The following LEMD3 variants were observed in gnomAD, a reference collection of about 807,000 sequenced individuals.
The protein encoded by LEMD3 is LEM domain containing 3.
Under a neutral mutation model 95.2 loss-of-function variants are expected in LEMD3, and 33 were observed. The observed-to-expected ratio is 0.35, with a 90% CI of 0.26 to 0.46. The LOEUF is 0.46. LEMD3 is among the 20% of genes least tolerant of loss of function. The probability of loss-of-function intolerance (pLI) is 1.00; values close to 1 mark genes in which losing one functional copy is unlikely to be tolerated. For synonymous variants in LEMD3, 525 were observed against 474.6 expected, an observed-to-expected ratio of 1.11 and a Z score of -1.38; for missense variants, 1,210 against 1,192.8, an observed-to-expected ratio of 1.01 and a Z score of -0.21.
At chr12:65,203,726 G>A (rs1869675451) in intron 1 of LEMD3, among the ~76,000 whole-genome samples, 1 of 152,146 alleles carries the variant, frequency 6.6e-6, no homozygotes, top group South Asian at 2.1e-4. Context: ...TTCTGGTACA[G>A]CAGTGTTGAA....
chr12:65,184,270 G>T (rs1448211672), intron 1 of LEMD3, among the ~76,000 whole-genome samples: 1 of 151,420 alleles, frequency 6.6e-6, no homozygotes, highest in Non-Finnish European at 1.5e-5. Flanking sequence ...GGAAAAACAG[G>T]CAGTCCCTAA....
In LEMD3 at chr12:65,238,600, A is replaced by G; in HGVS notation, c.1775+19A>G. The G allele has an allele frequency of 6.2e-7, 1 of 1,611,862 alleles. No homozygotes were observed. On this transcript the variant is annotated intron_variant, in intron 5 of 12. Coordinates refer to ENST00000308330, the MANE Select transcript of LEMD3 (RefSeq NM_014319.5). ...GAATAAGGTAAAGGATCTGATTTCC[A>G]CTTTGACCATTCTGTACTGGGAGAA... is the stretch of plus-strand genomic sequence containing the variant.
chr12:65,206,041 C>G (rs1565788196), intron 1 of LEMD3, among the ~76,000 whole-genome samples: 2 of 152,138 alleles, frequency 1.3e-5, no homozygotes, highest in African/African-American at 2.4e-5. Context: ...CTTGTTCACC[C>G]TGTCCATTTT....
At chr12:65,171,957 A>T (rs1376280262) in intron 1 of LEMD3, 1 of 152,272 alleles carries the variant, frequency 6.6e-6, no homozygotes, top group East Asian at 1.9e-4. Flanking sequence ...TTACCAGACT[A>T]CACTGACGTA....
chr12:65,173,414 T>G (rs1371399962), intron 1 of LEMD3, among the ~76,000 whole-genome samples: 1 of 152,212 alleles, frequency 6.6e-6, no homozygotes, highest in Non-Finnish European at 1.5e-5. Flanking sequence ...TATTTACATT[T>G]TAGTAAATGG....
At chr12:65,172,386 TAG>T (rs1415259018) in intron 1 of LEMD3, among the ~76,000 whole-genome samples, 1 of 152,198 alleles carries the variant, frequency 6.6e-6, no homozygotes, top group Non-Finnish European at 1.5e-5. Context: ...TATTTCAAAA[TAG>T]AGTGAAAGAT....
chr12:65,178,891 A>G (rs1164724157), intron 1 of LEMD3, among the ~76,000 whole-genome samples: 4 of 152,204 alleles, frequency 2.6e-5, no homozygotes, highest in Non-Finnish European at 4.4e-5. Flanking sequence ...ACAAGTATAG[A>G]TTCATAAAAT....
intron 4 of LEMD3, among the ~76,000 whole-genome samples, chr12:65,237,362 T>A (rs1870803803): frequency 6.6e-6 from 1 of 152,180 alleles, no homozygotes; most frequent in South Asian, 2.1e-4. Flanking sequence ...CTCACATTGA[T>A]ATGTAGTCAA....
At chr12:65,220,552 C>T (rs1274084156) in intron 4 of LEMD3, among the ~76,000 whole-genome samples, 1 of 151,908 alleles carries the variant, frequency 6.6e-6, no homozygotes, top group African/African-American at 2.4e-5. Flanking sequence ...TTTTTTACTG[C>T]ACATATGCTT....
chr12:65,242,085 G>T (rs1414886425), intron 9 of LEMD3, among the ~76,000 whole-genome samples: 6 of 152,128 alleles, frequency 3.9e-5, no homozygotes, highest in African/African-American at 1.4e-4. Context: ...TCCTCTAAAT[G>T]ATGCATGCAT....
intron 4 of LEMD3, among the ~76,000 whole-genome samples, chr12:65,230,375 G>T (rs1189927060): frequency 6.6e-6 from 1 of 152,090 alleles, no homozygotes; most frequent in African/African-American, 2.4e-5. Flanking sequence ...TCTATACATA[G>T]ATTATTTTTG....
chr12:65,170,828 C>G lies in LEMD3; in HGVS notation c.1232C>G (p.Pro411Arg). ...CCCAGGATTTATTCTAACAGTCTCC[C>G]TCCCAGTGCGGCGGTGGCCGCCTCT... ...DSPRIYSNSL[P>R]PSAAVAASSS... Residue 411 changes from proline to arginine, a missense_variant, in exon 1 of 13, where the codon CCT (proline) becomes CGT (arginine). Around this residue, in one of 2 missense-constraint regions of LEMD3, gnomAD observed 749 missense variants for 622.9 expected, o/e 1.20. Coordinates refer to ENST00000308330, the MANE Select transcript of LEMD3 (RefSeq NM_014319.5). 6.2e-7 allele frequency: 1 copy of G among 1,614,218 alleles called. No individual in the cohort carries two copies. The highest frequency in any genetic ancestry group is 1.1e-5 in the South Asian group (1 of 91,084).
intron 1 of LEMD3, among the ~76,000 whole-genome samples, chr12:65,175,960 C>T (rs1868706203): frequency 6.6e-6 from 1 of 152,170 alleles, no homozygotes. Flanking sequence ...CTTTCCCTCA[C>T]CTTCCTACAA....
At chr12:65,215,893 C>A in intron 2 of LEMD3, 84 bp from the exon 3 acceptor site, 1 of 493,096 alleles carries the variant, frequency 2.0e-6, no homozygotes, top group Non-Finnish European at 3.5e-6. Flanking sequence ...TTTAAATTTA[C>A]TGTTTTTTTT....
At position 65,200,211 on chromosome 12, in the gene LEMD3, A is replaced by G. The variant is rs77618204; in HGVS notation, c.1523-10715A>G. Among the ~76,000 whole-genome samples, 5 of 152,232 alleles carry G rather than the reference A, an allele frequency of 3.3e-5. No homozygotes were observed. The East Asian group carries it at 5.8e-4, about 18-fold the overall frequency. ...TCTGATTGGTCACTTTCCACCATCA[A>G]TCAGACTGGTTGTGACCCACTACTT... On this transcript the variant is annotated intron_variant, in intron 1 of 12. Transcript: ENST00000308330.
At chr12:65,173,358 G>C (rs1354518786) in intron 1 of LEMD3, among the ~76,000 whole-genome samples, 2 of 152,176 alleles carry the variant, frequency 1.3e-5, no homozygotes, top group African/African-American at 4.8e-5. Flanking sequence ...GGAATGCTAG[G>C]ATTTTGGTAC....
chr12:65,183,252 A>G (rs142936624), intron 1 of LEMD3, among the ~76,000 whole-genome samples: 1 of 152,234 alleles, frequency 6.6e-6, no homozygotes, highest in Non-Finnish European at 1.5e-5. Context: ...TTTTGATGAG[A>G]TAGATATTTT....
At chr12:65,213,706 A>G (rs907244128) in intron 2 of LEMD3, among the ~76,000 whole-genome samples, 7 of 152,208 alleles carry the variant, frequency 4.6e-5, no homozygotes, top group African/African-American at 1.7e-4. Context: ...CTGTGAATCA[A>G]AAGCTAAAGT....
chr12:65,213,187 G>C (rs1869996509), intron 2 of LEMD3, among the ~76,000 whole-genome samples: 1 of 152,030 alleles, frequency 6.6e-6, no homozygotes, highest in Non-Finnish European at 1.5e-5. Flanking sequence ...AGCAGTTGAG[G>C]CCCTTCTAGT....
Sources: allele counts gnomAD v4.1 joint callset (sites outside exome capture counted in the v4.1 genomes callset), GRCh38; gene constraint gnomAD v4.1.1; regional missense constraint gnomAD v4.1.1; transcripts MANE v1.5; gene names NCBI Gene and HGNC (gene_info 2026-07-23, HGNC 2026-07-21).